TBPL2: variants seen among roughly 807,000 people sequenced by gnomAD.
TBPL2 encodes TATA-box binding protein like 2.
Under a neutral mutation model 38.2 loss-of-function variants are expected in TBPL2, and 40 were observed. The observed-to-expected ratio is 1.05, with a 90% CI of 0.81 to 1.36. The LOEUF (loss-of-function observed/expected upper bound fraction) is 1.36, where lower values mean the gene tolerates loss of function less well. Ranked by LOEUF, TBPL2 falls within the 40% of genes most tolerant of loss-of-function variation. The pLI is 0.00. For missense variants in TBPL2, 461 were observed against 456.7 expected (o/e 1.01, Z -0.09); for synonymous variants, 169 against 171.7 (o/e 0.98, Z 0.12).
chr14:55,425,995 C>T (rs1341954354), intron 5 of TBPL2, among the ~76,000 whole-genome samples: 6 of 152,084 alleles, frequency 3.9e-5, no homozygotes, highest in Non-Finnish European at 7.4e-5. Context: ...GGGCCGGGTG[C>T]GGTGGCTCAC....
exon 2 of TBPL2, chr14:55,436,716 C>A: frequency 6.2e-7 from 1 of 1,614,190 alleles, no homozygotes; most frequent in Non-Finnish European, 8.5e-7. Context: ...GGGAATTTGA[C>A]AAACTGCTGC....
chr14:55,431,258 C>T (rs10149166), intron 4 of TBPL2, among the ~76,000 whole-genome samples: 45,708 of 152,114 alleles, frequency 0.3, 9,409 homozygotes, highest in African/African-American at 0.6. Flanking sequence ...AAAAGTATCT[C>T]TTATTATCTG....
chr14:55,433,082 C>T (rs531703563), intron 4 of TBPL2, among the ~76,000 whole-genome samples: 17 of 152,068 alleles, frequency 1.1e-4, no homozygotes, highest in African/African-American at 3.9e-4. Context: ...CAGTTAAGTC[C>T]CCTCGGTTTA....
intron 6 of TBPL2, among the ~76,000 whole-genome samples, chr14:55,420,809 C>G (rs538966800): frequency 6.6e-6 from 1 of 151,938 alleles, no homozygotes; most frequent in East Asian, 1.9e-4. Flanking sequence ...CCTGTAATCC[C>G]AGCACTTTGG....
intron 1 of TBPL2, among the ~76,000 whole-genome samples, chr14:55,437,812 C>T (rs955477453): frequency 7.9e-5 from 12 of 152,162 alleles, no homozygotes; most frequent in Non-Finnish European, 1.5e-4. Context: ...TCACTAAAGA[C>T]CCATGGTTAT....
intron 6 of TBPL2, among the ~76,000 whole-genome samples, chr14:55,415,927 T>C (rs558111796): frequency 2.6e-5 from 4 of 152,212 alleles, no homozygotes; most frequent in African/African-American, 7.2e-5. Context: ...AGAAATGAAG[T>C]ACACATGCTA....
intron 1 of TBPL2, among the ~76,000 whole-genome samples, chr14:55,437,495 A>G (rs1390040819): frequency 1.3e-5 from 2 of 152,232 alleles, no homozygotes; most frequent in African/African-American, 2.4e-5. Flanking sequence ...ATTCTATTAC[A>G]GTTACAGCAC....
At chr14:55,431,758 A>G (rs1047526283) in intron 4 of TBPL2, among the ~76,000 whole-genome samples, 5 of 152,254 alleles carry the variant, frequency 3.3e-5, no homozygotes, top group Admixed American at 6.5e-5. Flanking sequence ...AAAAATAATT[A>G]TCTTACATTG....
intron 1 of TBPL2, among the ~76,000 whole-genome samples, chr14:55,437,991 G>A (rs1303541425): frequency 1.3e-5 from 2 of 152,206 alleles, no homozygotes; most frequent in African/African-American, 4.8e-5. Flanking sequence ...AGAGAATGAT[G>A]TGTGCACCTG....
chr14:55,415,295 T>G (rs1001951489), intron 6 of TBPL2, among the ~76,000 whole-genome samples: 1 of 152,174 alleles, frequency 6.6e-6, no homozygotes, highest in African/African-American at 2.4e-5. Context: ...ACTGTTAGCA[T>G]GAAGAGAAAT....
chr14:55,423,689 A>G (rs1198103905), intron 6 of TBPL2, among the ~76,000 whole-genome samples: 2 of 152,252 alleles, frequency 1.3e-5, no homozygotes, highest in African/African-American at 4.8e-5. Flanking sequence ...CACATTTCAG[A>G]GCCCATTCCT....
exon 6 of TBPL2, chr14:55,424,224 A>G: frequency 6.2e-7 from 1 of 1,613,382 alleles, no homozygotes; most frequent in East Asian, 2.2e-5. Context: ...CATTCTATAA[A>G]TAAGACCAGG....
chr14:55,431,401 C>T (rs929048924), intron 4 of TBPL2, among the ~76,000 whole-genome samples: 1 of 152,208 alleles, frequency 6.6e-6, no homozygotes, highest in Non-Finnish European at 1.5e-5. Context: ...CACCATTTAG[C>T]TGCTTACTTC....
chr14:55,434,142 T>G (rs7160543), intron 3 of TBPL2, among the ~76,000 whole-genome samples: 1 of 152,146 alleles, frequency 6.6e-6, no homozygotes, highest in African/African-American at 2.4e-5. Flanking sequence ...AAGAATCTTT[T>G]GGGAAAAAAA....
intron 5 of TBPL2, among the ~76,000 whole-genome samples, chr14:55,424,471 G>C (rs1885790583): frequency 2.0e-5 from 3 of 152,186 alleles, no homozygotes; most frequent in African/African-American, 2.4e-5. Context: ...CATAACACAA[G>C]TGCAAGCTAT....
chr14:55,414,353 A>G lies in TBPL2; in HGVS notation c.*26T>C, dbSNP rs1315349652. ...GGCTTATGGACATATTCAAACCAGA[A>G]TAATGTGAGATGCTGAATGATATGC... On this transcript the variant is annotated 3_prime_UTR_variant, in exon 7 of 7. Coordinates refer to ENST00000247219, the Ensembl canonical transcript of TBPL2. 13 of 1,548,306 alleles carry G rather than the reference A, an allele frequency of 8.4e-6. No homozygotes were observed. In the Admixed American group the frequency reaches 2.4e-4, roughly 29 times the overall value.
intron 1 of TBPL2, 85 bp from the exon 2 acceptor site, chr14:55,437,103 G>A: frequency 8.4e-7 from 1 of 1,195,074 alleles, no homozygotes; most frequent in South Asian, 1.3e-5. Flanking sequence ...TGGCAGGCAG[G>A]CAGGCAATGT....
exon 7 of TBPL2, chr14:55,414,397 T>C (rs765379035): frequency 6.9e-6 from 11 of 1,605,782 alleles, no homozygotes; most frequent in Non-Finnish European, 9.3e-6. Context: ...TTTTAAAACC[T>C]TTTAGAATAG....
intron 6 of TBPL2, among the ~76,000 whole-genome samples, chr14:55,415,882 T>C (rs912334351): frequency 6.6e-6 from 1 of 151,770 alleles, no homozygotes; most frequent in Non-Finnish European, 1.5e-5. Context: ...AAAAAATGTA[T>C]GGTGTGTATA....
Sources: allele counts gnomAD v4.1 joint callset (sites outside exome capture counted in the v4.1 genomes callset), GRCh38; gene constraint gnomAD v4.1.1; transcripts MANE v1.5; gene names NCBI Gene and HGNC (gene_info 2026-07-23, HGNC 2026-07-21).